MSI2: variants seen among roughly 807,000 people sequenced by gnomAD.
The protein encoded by MSI2 is musashi RNA binding protein 2.
In MSI2, 17 loss-of-function variants were observed where a neutral mutation model predicts 45.6. The observed-to-expected ratio is 0.37, with a 90% CI of 0.26 to 0.56. MSI2 has a LOEUF of 0.56. Ranked by LOEUF, MSI2 falls within the 20% of genes least tolerant of loss-of-function variation. The pLI is 0.77. For missense variants in MSI2, 293 were observed against 444.2 expected, an observed-to-expected ratio of 0.66 and a Z score of 3.06; for synonymous variants, 156 against 158.2, an observed-to-expected ratio of 0.99 and a Z score of 0.11.
chr17:57,263,685 C>G (rs963197096), intron 5 of MSI2: 2 of 152,142 alleles, frequency 1.3e-5, no homozygotes, highest in African/African-American at 2.4e-5. Flanking sequence ...TTTGTTGTCC[C>G]CCTTCCTTAA....
intron 5 of MSI2, among the ~76,000 whole-genome samples, chr17:57,384,761 T>C (rs2083655801): frequency 6.6e-6 from 1 of 152,212 alleles, no homozygotes; most frequent in Non-Finnish European, 1.5e-5. Flanking sequence ...TCCACTCCCA[T>C]GATTTCAGTG....
At chr17:57,274,038 T>G (rs969506153) in intron 5 of MSI2, among the ~76,000 whole-genome samples, 2 of 152,184 alleles carry the variant, frequency 1.3e-5, no homozygotes, top group African/African-American at 4.8e-5. Context: ...CTTCTGGGCC[T>G]TGTCTCAGAT....
chr17:57,344,051 G>A (rs373401977), intron 5 of MSI2, among the ~76,000 whole-genome samples: 1 of 152,206 alleles, frequency 6.6e-6, no homozygotes, highest in Non-Finnish European at 1.5e-5. Context: ...CAACGAAGAA[G>A]CAGTCTGTGG....
rs949468630 is a variant in MSI2 at position 57,631,603 on chromosome 17, A to G, written c.727+4300A>G. 3.8e-5 allele frequency: 22 copies of G among 580,258 alleles called. No homozygotes were observed. The South Asian group carries it at 5.0e-4, about 13-fold the overall frequency. 35.9% of individuals were successfully genotyped at this position (580,258 alleles called of 1,614,324 possible). A position where few individuals can be genotyped will look rare whatever the true frequency, so the allele number is the denominator to read the frequency against. ...TTCTAGAAAGGCTGGGTGGTGACCAACCACTCTGGGAACAGCTCCTTCTTC... is the reference window on the plus strand; with the variant it reads ...TTCTAGAAAGGCTGGGTGGTGACCAGCCACTCTGGGAACAGCTCCTTCTTC... On this transcript the variant is annotated intron_variant, in intron 10 of 13. Coordinates refer to ENST00000284073, the MANE Select transcript of MSI2 (RefSeq NM_138962.4).
chr17:57,447,581 G>C (rs1371134689), intron 6 of MSI2, among the ~76,000 whole-genome samples: 1 of 149,158 alleles, frequency 6.7e-6, no homozygotes. Flanking sequence ...TATGTGGAGT[G>C]GCATGGGTGG....
At chr17:57,319,494 A>G (rs1913145464) in intron 5 of MSI2, among the ~76,000 whole-genome samples, 1 of 152,220 alleles carries the variant, frequency 6.6e-6, no homozygotes, top group South Asian at 2.1e-4. Context: ...GCATCTTATG[A>G]TCCACCTGTG....
chr17:57,354,515 G>A (rs1916279392), intron 5 of MSI2, among the ~76,000 whole-genome samples: 1 of 152,030 alleles, frequency 6.6e-6, no homozygotes, highest in East Asian at 1.9e-4. Flanking sequence ...GTGGGGGAGG[G>A]GTGTTTAAAG....
At chr17:57,517,110 T>G (rs570490104) in intron 6 of MSI2, among the ~76,000 whole-genome samples, 19 of 152,332 alleles carry the variant, frequency 1.2e-4, no homozygotes, top group Non-Finnish European at 2.4e-4. Flanking sequence ...AGTAGCAAAT[T>G]AGAATTCCTC....
intron 5 of MSI2, among the ~76,000 whole-genome samples, chr17:57,348,687 C>T (rs970070790): frequency 2.6e-5 from 4 of 152,180 alleles, no homozygotes; most frequent in Admixed American, 1.3e-4. Context: ...GGGCAACATG[C>T]TTGTACAGCC....
In MSI2 at chr17:57,596,699, CA is replaced by C. The variant is rs1905274312; in HGVS notation, c.455-166del. On this transcript the variant is annotated intron_variant, in intron 7 of 13. Coordinates refer to ENST00000284073, the MANE Select transcript of MSI2 (RefSeq NM_138962.4). The surrounding 1 kb of genome is among the most constrained non-coding windows in gnomAD (Gnocchi z 4.6). ...CTCGCTGTCGGAAGGGTGCTCAGTA[CA>C]AATTAGAAATCATTGCCTCCAACCT... Among the ~76,000 whole-genome samples the C allele has an allele frequency of 6.6e-6, 1 of 152,202 alleles. No homozygotes were observed. The highest frequency in any genetic ancestry group is 1.5e-5 in the Non-Finnish European group (1 of 68,038).
intron 10 of MSI2, chr17:57,631,911 C>A: frequency 1.9e-6 from 3 of 1,574,546 alleles, no homozygotes; most frequent in East Asian, 2.3e-5. Flanking sequence ...GGGCTGCCCC[C>A]GCTCCAGTCA....
intron 7 of MSI2, among the ~76,000 whole-genome samples, chr17:57,536,254 A>G (rs1287168115): frequency 6.6e-6 from 1 of 152,248 alleles, no homozygotes; most frequent in Non-Finnish European, 1.5e-5. Flanking sequence ...TACCTAGGGA[A>G]GAACGTTGGG....
At chr17:57,413,141 G>T (rs2084227326) in intron 6 of MSI2, among the ~76,000 whole-genome samples, 1 of 152,102 alleles carries the variant, frequency 6.6e-6, no homozygotes, top group African/African-American at 2.4e-5. Context: ...GCTTGCTAGT[G>T]CAACAGCCTT....
intron 6 of MSI2, among the ~76,000 whole-genome samples, chr17:57,493,926 C>G (rs1320787515): frequency 6.6e-6 from 1 of 152,102 alleles, no homozygotes; most frequent in African/African-American, 2.4e-5. Flanking sequence ...AAAACTGGCC[C>G]TCTGCAGAAG....
At position 57,378,101 on chromosome 17, in the gene MSI2, G is replaced by C. The variant is rs373491805; in HGVS notation, c.313-23278G>C. On this transcript the variant is annotated intron_variant, in intron 5 of 13. Transcript: ENST00000284073. Reference sequence around the variant, plus strand: ...AAAAAAAAAAAAAGAAAAAAAAAGTGAAGGCATTATGGACATTCTTTTTTT... The same window carrying C: ...AAAAAAAAAAAAAGAAAAAAAAAGTCAAGGCATTATGGACATTCTTTTTTT... 4.0e-5 allele frequency among the ~76,000 whole-genome samples: 6 copies of C among 151,530 alleles called. No homozygotes were observed. The South Asian group carries it at 1.3e-3, about 32-fold the overall frequency.
intron 10 of MSI2, chr17:57,632,962 A>G (rs972117355): frequency 1.0e-5 from 11 of 1,052,904 alleles, no homozygotes; most frequent in Admixed American, 1.1e-4. Context: ...ATTTTTTTCA[A>G]AGAACAAATC....
At chr17:57,321,465 G>A (rs372035978) in intron 5 of MSI2, among the ~76,000 whole-genome samples, 2 of 152,042 alleles carry the variant, frequency 1.3e-5, no homozygotes, top group African/African-American at 2.4e-5. Flanking sequence ...CTAGCCTTCC[G>A]TCCCAAATAA....
At chr17:57,267,443 T>C (rs979036260) in intron 5 of MSI2, 12 of 152,042 alleles carry the variant, frequency 7.9e-5, no homozygotes, top group Admixed American at 5.2e-4. Flanking sequence ...CCTGTGTTCT[T>C]TGTCAGATGA....
At chr17:57,351,207 G>A (rs1349109091) in intron 5 of MSI2, among the ~76,000 whole-genome samples, 1 of 152,086 alleles carries the variant, frequency 6.6e-6, no homozygotes, top group African/African-American at 2.4e-5. Context: ...CACAAGCAGG[G>A]AGGAAAAGAG....
Sources: gnomAD v4.1 joint callset for allele counts (sites outside exome capture counted in the v4.1 genomes callset) on GRCh38, gnomAD v4.1.1 for gene constraint, Gnocchi (gnomAD v3.1) non-coding constraint, MANE v1.5 for transcripts, NCBI Gene and HGNC (gene_info 2026-07-23, HGNC 2026-07-21) for gene names.